The following PLCB1 variants were observed in gnomAD, a reference collection of about 807,000 sequenced individuals.
PLCB1 encodes 1-phosphatidylinositol 4,5-bisphosphate phosphodiesterase beta-1.
A neutral mutation model predicts 161.8 loss-of-function variants in PLCB1; 46 were observed. The ratio of observed to expected loss-of-function variants is 0.28; its 90% CI spans 0.22 to 0.36. The LOEUF is 0.36. PLCB1 is among the 10% of genes least tolerant of loss of function. PLCB1 has a pLI of 1.00. For missense variants in PLCB1, 1,016 were observed against 1,472.5 expected, an observed-to-expected ratio of 0.69 and a Z score of 5.07; for synonymous variants, 517 against 503.7, an observed-to-expected ratio of 1.03 and a Z score of -0.35.
chr20:8,368,965 A>T (rs1276114165), intron 2 of PLCB1, among the ~76,000 whole-genome samples: 1 of 145,348 alleles, frequency 6.9e-6, no homozygotes, highest in Non-Finnish European at 1.5e-5. Context: ...CAATGTCTGT[A>T]GGGCACTTTG....
intron 4 of PLCB1, among the ~76,000 whole-genome samples, chr20:8,635,015 A>G (rs879663270): frequency 3.3e-5 from 5 of 152,138 alleles, no homozygotes; most frequent in Admixed American, 2.6e-4. Context: ...AACTCAGTTC[A>G]TCCATCTCTC....
At chr20:8,280,164 C>T (rs1438080660) in intron 2 of PLCB1, among the ~76,000 whole-genome samples, 1 of 151,772 alleles carries the variant, frequency 6.6e-6, no homozygotes, top group Non-Finnish European at 1.5e-5. Flanking sequence ...GGTGAAACCC[C>T]GTCTCTATTA....
chr20:8,136,568 G>T (rs1445988705), intron 1 of PLCB1, among the ~76,000 whole-genome samples: 1 of 151,530 alleles, frequency 6.6e-6, no homozygotes, highest in Non-Finnish European at 1.5e-5. Context: ...GGAGCTTGCA[G>T]TGAGCCGAGA....
chr20:8,760,344 T>G, intron 24 of PLCB1, 63 bp from the exon 25 acceptor site: 1 of 991,466 alleles, frequency 1.0e-6, no homozygotes, highest in East Asian at 2.5e-5. Flanking sequence ...TGTTTGTTTG[T>G]TTACAGGAAG....
chr20:8,208,008 G>A (rs1978622523), intron 2 of PLCB1, among the ~76,000 whole-genome samples: 1 of 152,170 alleles, frequency 6.6e-6, no homozygotes, highest in Admixed American at 6.6e-5. Context: ...GCTGGGGGAA[G>A]GAAGAGGTTG....
chr20:8,655,276 C>T (rs866160568), intron 7 of PLCB1, among the ~76,000 whole-genome samples: 1 of 152,220 alleles, frequency 6.6e-6, no homozygotes, highest in African/African-American at 2.4e-5. Flanking sequence ...CATGCGTGCT[C>T]GCTATCCATT....
chr20:8,570,527 AGCTG>A (rs1986471081), intron 3 of PLCB1, among the ~76,000 whole-genome samples: 1 of 151,976 alleles, frequency 6.6e-6, no homozygotes, highest in African/African-American at 2.4e-5. Context: ...TTACTCATTC[AGCTG>A]ACACCTACTT....
At chr20:8,148,932 G>A (rs1193090039) in intron 1 of PLCB1, among the ~76,000 whole-genome samples, 3 of 152,176 alleles carry the variant, frequency 2.0e-5, no homozygotes, top group Non-Finnish European at 4.4e-5. Context: ...GAGGGAATGA[G>A]GAGTTAGTGT....
intron 2 of PLCB1, among the ~76,000 whole-genome samples, chr20:8,328,277 A>G (rs1985233822): frequency 6.6e-6 from 1 of 151,994 alleles, no homozygotes; most frequent in African/African-American, 2.4e-5. Context: ...TTGTTCACCA[A>G]ATCTTTTTTT....
At chr20:8,569,657 T>C (rs1046934538) in intron 3 of PLCB1, among the ~76,000 whole-genome samples, 11 of 152,196 alleles carry the variant, frequency 7.2e-5, no homozygotes, top group Non-Finnish European at 1.5e-4. Flanking sequence ...ATGCAATCAC[T>C]GATATTTTTA....
intron 2 of PLCB1, among the ~76,000 whole-genome samples, chr20:8,188,436 GA>G (rs11358823): frequency 0.32 from 48,149 of 151,640 alleles, 8,438 homozygotes; most frequent in African/African-American, 0.46. Flanking sequence ...AAAATAAATA[GA>G]AAAAAAATTG....
At chr20:8,732,384 G>T (rs1336431400) in intron 18 of PLCB1, among the ~76,000 whole-genome samples, 1 of 151,682 alleles carries the variant, frequency 6.6e-6, no homozygotes, top group Non-Finnish European at 1.5e-5. Flanking sequence ...ATTTGTCCCA[G>T]GAATTCCTCT....
intron 2 of PLCB1, among the ~76,000 whole-genome samples, chr20:8,290,024 T>G (rs1192754790): frequency 3.3e-5 from 5 of 152,206 alleles, no homozygotes; most frequent in African/African-American, 1.2e-4. Context: ...TTCTAATTGA[T>G]TTCTTGGCTT....
intron 3 of PLCB1, among the ~76,000 whole-genome samples, chr20:8,539,294 T>TA (rs1985178821): frequency 6.6e-6 from 1 of 152,078 alleles, no homozygotes; most frequent in African/African-American, 2.4e-5. Flanking sequence ...GACTCTCAAG[T>TA]AAAAAAATGC....
chr20:8,742,039 T>C (rs1980907905), intron 23 of PLCB1, among the ~76,000 whole-genome samples: 1 of 152,188 alleles, frequency 6.6e-6, no homozygotes, highest in African/African-American at 2.4e-5. Flanking sequence ...TCTACTGTTA[T>C]TATTAGATGG....
At chr20:8,683,975 C>T (rs1412875798) in intron 9 of PLCB1, among the ~76,000 whole-genome samples, 1 of 151,692 alleles carries the variant, frequency 6.6e-6, no homozygotes, top group Non-Finnish European at 1.5e-5. Flanking sequence ...ACTCCACCTC[C>T]TGGGTTCAAA....
At chr20:8,516,664 CATATATATATATATATATATATAT>C (rs57237224) in intron 3 of PLCB1, among the ~76,000 whole-genome samples, 89 of 72,244 alleles carry the variant, frequency 1.2e-3, no homozygotes, top group Admixed American at 8.4e-3. Flanking sequence ...AATATAACAT[CATATATATATATATATATATATAT>C]ATATATATAT....
At chr20:8,709,282 T>G in intron 12 of PLCB1, among the ~76,000 whole-genome samples, 1 of 152,250 alleles carries the variant, frequency 6.6e-6, no homozygotes, top group East Asian at 1.9e-4. Flanking sequence ...ATAGCCTGCA[T>G]GTATTGCTGA....
At chr20:8,428,476 C>T (rs965176425) in intron 3 of PLCB1, among the ~76,000 whole-genome samples, 1 of 152,196 alleles carries the variant, frequency 6.6e-6, no homozygotes, top group African/African-American at 2.4e-5. Context: ...CCACCTTGGC[C>T]TCCCAAAGTG....
Sources: allele counts gnomAD v4.1 joint callset (sites outside exome capture counted in the v4.1 genomes callset), GRCh38; gene constraint gnomAD v4.1.1; transcripts MANE v1.5; gene names NCBI Gene and HGNC (gene_info 2026-07-23, HGNC 2026-07-21).